The following ABCC4 variants were observed in gnomAD, a reference collection of about 807,000 sequenced individuals.
ABCC4 encodes ATP binding cassette subfamily C member 4 (PEL blood group), also known as ATP-binding cassette sub-family C member 4.
In ABCC4, 102 loss-of-function variants were observed where a neutral mutation model predicts 168.5. That is an observed-to-expected ratio of 0.61 (90% CI 0.52 to 0.71). The LOEUF (loss-of-function observed/expected upper bound fraction) is 0.71, where lower values mean the gene tolerates loss of function less well. Among genes scored for constraint, ABCC4 ranks in the 30% least tolerant of loss-of-function variants. ABCC4 has a pLI of 0.00. For missense variants in ABCC4, 1,402 were observed against 1,605.8 expected (o/e 0.87, Z 2.17); for synonymous variants, 617 against 590.7 (o/e 1.04, Z -0.65).
At chr13:95,115,501 C>G (rs1359300992) in intron 20 of ABCC4, among the ~76,000 whole-genome samples, 1 of 41,376 alleles carries the variant, frequency 2.4e-5, no homozygotes, top group East Asian at 5.0e-4. Flanking sequence ...CTGGTTCTAT[C>G]CAAAAAAAAA....
chr13:95,036,760 AC>A (rs746243702), intron 29 of ABCC4, among the ~76,000 whole-genome samples: 8 of 152,002 alleles, frequency 5.3e-5, no homozygotes, highest in Non-Finnish European at 1.2e-4. Flanking sequence ...AATAAAACCG[AC>A]CTCTTTAATA....
intron 19 of ABCC4, among the ~76,000 whole-genome samples, chr13:95,122,877 G>T (rs2035625171): frequency 1.3e-5 from 2 of 152,216 alleles, no homozygotes; most frequent in African/African-American, 4.8e-5. Context: ...ACTTAGCCGG[G>T]CATGGAGGCA....
chr13:95,158,630 G>A (rs2036960983), intron 19 of ABCC4, among the ~76,000 whole-genome samples: 1 of 152,128 alleles, frequency 6.6e-6, no homozygotes, highest in South Asian at 2.1e-4. Flanking sequence ...ATGCTTCCCA[G>A]TCTTTCTACC....
At chr13:95,093,405 G>A (rs2034497731) in intron 20 of ABCC4, among the ~76,000 whole-genome samples, 1 of 152,112 alleles carries the variant, frequency 6.6e-6, no homozygotes, top group South Asian at 2.1e-4. Flanking sequence ...GTCAATAAAT[G>A]TGATACACCA....
intron 14 of ABCC4, 36 bp from the exon 15 acceptor site, chr13:95,166,403 G>A: frequency 1.3e-6 from 2 of 1,535,024 alleles, no homozygotes; most frequent in Admixed American, 1.7e-5. Context: ...AGAGATACAT[G>A]TGCAGGTGAT....
intron 19 of ABCC4, among the ~76,000 whole-genome samples, chr13:95,126,768 T>C (rs2035789040): frequency 1.4e-5 from 2 of 145,202 alleles, no homozygotes; most frequent in African/African-American, 5.0e-5. Context: ...AAAATATATA[T>C]ATATTTAAGT....
intron 19 of ABCC4, among the ~76,000 whole-genome samples, chr13:95,143,482 G>A (rs554341905): frequency 6.6e-6 from 1 of 152,288 alleles, no homozygotes; most frequent in East Asian, 1.9e-4. Context: ...TTCTAATTTG[G>A]AAGGATTTGA....
chr13:95,182,579 C>T (rs2037932395), intron 11 of ABCC4, among the ~76,000 whole-genome samples: 1 of 152,196 alleles, frequency 6.6e-6, no homozygotes, highest in African/African-American at 2.4e-5. Flanking sequence ...AAATTGGTGG[C>T]TCTTATAATT....
chr13:95,125,103 A>T (rs1206615555), intron 19 of ABCC4, among the ~76,000 whole-genome samples: 1 of 152,076 alleles, frequency 6.6e-6, no homozygotes, highest in Non-Finnish European at 1.5e-5. Context: ...GATACAGTGG[A>T]GGCTCAGAGA....
At chr13:95,183,008 T>C (rs1255772132) in intron 11 of ABCC4, among the ~76,000 whole-genome samples, 3 of 152,012 alleles carry the variant, frequency 2.0e-5, no homozygotes, top group Non-Finnish European at 2.9e-5. Flanking sequence ...CTGTATCTAG[T>C]ACAATATATC....
intron 1 of ABCC4, among the ~76,000 whole-genome samples, chr13:95,286,714 T>C (rs913242605): frequency 8.6e-5 from 13 of 151,900 alleles, no homozygotes; most frequent in African/African-American, 3.1e-4. Context: ...CCCAGGACTT[T>C]AGAAGGCTGA....
At chr13:95,092,393 G>C (rs1408201184) in intron 20 of ABCC4, among the ~76,000 whole-genome samples, 3 of 152,092 alleles carry the variant, frequency 2.0e-5, no homozygotes, top group African/African-American at 7.2e-5. Context: ...CTTTTTCCAA[G>C]ATAGACCATA....
intron 20 of ABCC4, among the ~76,000 whole-genome samples, chr13:95,107,428 T>C (rs575745740): frequency 2.6e-5 from 4 of 152,344 alleles, no homozygotes; most frequent in African/African-American, 9.6e-5. Flanking sequence ...TAACTTTCTA[T>C]AAAGAATGCA....
At chr13:95,278,769 T>C (rs2041035204) in intron 1 of ABCC4, among the ~76,000 whole-genome samples, 1 of 116,484 alleles carries the variant, frequency 8.6e-6, no homozygotes, top group Admixed American at 1.2e-4. Flanking sequence ...GCACCACTTA[T>C]ACTCCAGCCT....
intron 30 of ABCC4, among the ~76,000 whole-genome samples, chr13:95,023,165 T>C (rs1421191962): frequency 2.0e-5 from 3 of 152,222 alleles, no homozygotes; most frequent in Admixed American, 6.5e-5. Context: ...TACTGCTTGA[T>C]AGCCTTCCCC....
At chr13:95,045,843 G>A (rs1183675249) in intron 27 of ABCC4, among the ~76,000 whole-genome samples, 1 of 152,162 alleles carries the variant, frequency 6.6e-6, no homozygotes, top group East Asian at 1.9e-4. Context: ...GAGTAAACGG[G>A]TAACATTGTC....
rs147460655 is a variant in ABCC4, at chr13:95,136,935, T to C, written c.2456-20934A>G. Among the ~76,000 whole-genome samples the C allele has an allele frequency of 2.1e-3, 314 of 152,354 alleles. 3 individuals are homozygous for C. Among genetic ancestry groups the C allele is most frequent in the African/African-American group, 7.3e-3 (302 of 41,590 alleles). On this transcript the variant is annotated intron_variant, in intron 19 of 30. Coordinates refer to ENST00000645237, the MANE Select transcript of ABCC4 (RefSeq NM_005845.5). Reference sequence around the variant, plus strand: ...TCGTGCAGAAAGCACAGCATACTTCTTGACACCCAGAGTTGGGCCAGGGAT... The same window carrying C: ...TCGTGCAGAAAGCACAGCATACTTCCTGACACCCAGAGTTGGGCCAGGGAT...
At position 95,295,206 on chromosome 13, in the gene ABCC4, A is replaced by T. The variant is rs1031584856; in HGVS notation, c.74+6035T>A. 3.4e-4 allele frequency among the ~76,000 whole-genome samples: 52 copies of T among 152,118 alleles called. 2 individuals carry two copies. The stretch of plus-strand genomic sequence containing the variant: ...GGATGCTCAACCCCAAGAGACTGTG[A>T]TTCTGCAGACACAGAAATTTACTAT... On this transcript the variant is annotated intron_variant, in intron 1 of 30. Coordinates refer to ENST00000645237, the MANE Select transcript of ABCC4 (RefSeq NM_005845.5).
At chr13:95,201,893 A>C (rs2139662367) in intron 8 of ABCC4, among the ~76,000 whole-genome samples, 1 of 152,292 alleles carries the variant, frequency 6.6e-6, no homozygotes, top group East Asian at 1.9e-4. Context: ...GAATTGCTTG[A>C]ACCCGGGAAG....
Sources: gnomAD v4.1 joint callset for allele counts (sites outside exome capture counted in the v4.1 genomes callset) on GRCh38, gnomAD v4.1.1 for gene constraint, MANE v1.5 for transcripts, NCBI Gene and HGNC (gene_info 2026-07-23, HGNC 2026-07-21) for gene names.